The following CUX1 variants were observed in gnomAD, a reference collection of about 807,000 sequenced individuals.
CUX1 encodes protein CASP.
A neutral mutation model predicts 158.8 loss-of-function variants in CUX1; 31 were observed. The ratio of observed to expected loss-of-function variants is 0.20; its 90% confidence interval spans 0.15 to 0.26. CUX1 has a LOEUF of 0.26. Ranked by LOEUF, CUX1 falls within the 10% of genes least tolerant of loss-of-function variation. The pLI, the probability that CUX1 is intolerant of heterozygous loss-of-function variation, is 1.00. For synonymous variants in CUX1, 879 were observed against 862.1 expected (o/e 1.02, Z -0.34); for missense variants, 1,589 against 2,014.6 (o/e 0.79, Z 4.04).
At chr7:102,270,948 T>C (rs575306193) in intron 14 of CUX1, among the ~76,000 whole-genome samples, 1 of 152,148 alleles carries the variant, frequency 6.6e-6, no homozygotes, top group African/African-American at 2.4e-5. Context: ...CACCCCATCA[T>C]CTCCCTGGTG....
chr7:102,190,938 A>G (rs1794204490), intron 12 of CUX1, among the ~76,000 whole-genome samples: 2 of 152,100 alleles, frequency 1.3e-5, no homozygotes, highest in Non-Finnish European at 1.5e-5. Flanking sequence ...TCTCCTTTTA[A>G]GATGAGCCTA....
intron 3 of CUX1, among the ~76,000 whole-genome samples, chr7:102,046,530 G>GC (rs1269081851): frequency 6.7e-6 from 1 of 149,464 alleles, no homozygotes; most frequent in East Asian, 1.9e-4. Context: ...ACTGTGCCCA[G>GC]CCCCCATTTC....
Position 102,249,258 on chromosome 7 carries a change from C to A in CUX1, c.*216C>A. On this transcript the variant is annotated 3_prime_UTR_variant, in exon 24 of 24. Coordinates refer to ENST00000292535, the MANE Select transcript of CUX1 (RefSeq NM_181552.4). Reference sequence around the variant, plus strand: ...AAGGCCGCGGCCCAGACCCACTCTGCGGCCCGGGCCGACCCTGCGGCCTCC... The same window carrying A: ...AAGGCCGCGGCCCAGACCCACTCTGAGGCCCGGGCCGACCCTGCGGCCTCC... The A allele has an allele frequency of 3.8e-6, 4 of 1,064,704 alleles. No homozygotes were observed. The highest frequency in any genetic ancestry group is 4.5e-6 in the Non-Finnish European group (4 of 880,228). The allele number at this position is 1,064,704 out of a possible 1,614,324, so 66.0% of individuals were successfully genotyped here.
At chr7:102,202,554 A>G (rs1166243182) in intron 18 of CUX1, among the ~76,000 whole-genome samples, 1 of 152,178 alleles carries the variant, frequency 6.6e-6, no homozygotes, top group Non-Finnish European at 1.5e-5. Flanking sequence ...CCGGCAGCCG[A>G]GTCCACATCC....
At chr7:101,921,847 G>C (rs1804980507) in intron 2 of CUX1, among the ~76,000 whole-genome samples, 1 of 152,122 alleles carries the variant, frequency 6.6e-6, no homozygotes, top group Non-Finnish European at 1.5e-5. Flanking sequence ...GCCAGACACA[G>C]TGGCTTACGC....
Position 102,234,090 on chromosome 7 carries a change from C to A in CUX1, c.3472C>A (p.Gln1158Lys). Residue 1158 changes from glutamine to lysine, a missense_variant, in exon 22 of 24, where the codon CAA (glutamine) becomes AAA (lysine). By Grantham distance (53) the Gln-to-Lys change is moderately conservative. Coordinates refer to ENST00000292535, the MANE Select transcript of CUX1 (RefSeq NM_181552.4). ...LFGETILGLT[Q>K]GSVSDLLARP... is the part of the protein sequence containing the mutation. Reference sequence around the variant, plus strand: ...TGGGGAGACCATCTTAGGGCTCACCCAAGGCTCTGTCTCTGACCTCCTTGC... The same window carrying A: ...TGGGGAGACCATCTTAGGGCTCACCAAAGGCTCTGTCTCTGACCTCCTTGC... The A allele has an allele frequency of 1.3e-6, 2 of 1,585,336 alleles. No individual in the cohort carries two copies. The highest frequency in any genetic ancestry group is 2.4e-5 in the East Asian group (1 of 42,106).
rs540829946 is a variant in CUX1, at chr7:102,065,831, G to A, written c.190-4508G>A. Among the ~76,000 whole-genome samples the A allele has an allele frequency of 1.7e-3, 259 of 151,672 alleles. 1 individual carries two copies. Among genetic ancestry groups the A allele is most frequent in the Admixed American group, 2.4e-3 (36 of 15,220 alleles). On this transcript the variant is annotated intron_variant, in intron 3 of 23. Transcript: ENST00000292535. ...TTCTGAGATGGAGTCTCGCTCTGTCGCCAGGCTGGAGTGCAGTGGCGTGAT... is the reference window on the plus strand; with the variant it reads ...TTCTGAGATGGAGTCTCGCTCTGTCACCAGGCTGGAGTGCAGTGGCGTGAT...
intron 1 of CUX1, among the ~76,000 whole-genome samples, chr7:101,905,178 A>G (rs1802617571): frequency 1.3e-5 from 2 of 152,154 alleles, no homozygotes; most frequent in African/African-American, 4.8e-5. Context: ...CGTATAAACT[A>G]TGGCAACTGG....
intron 14 of CUX1, among the ~76,000 whole-genome samples, chr7:102,269,371 T>C (rs1428098802): frequency 6.6e-6 from 1 of 151,924 alleles, no homozygotes; most frequent in Non-Finnish European, 1.5e-5. Flanking sequence ...CCTTCTCACA[T>C]TGCAAAATAC....
Position 101,996,719 on chromosome 7 carries a change from T to C in CUX1, c.142-31379T>C, listed in dbSNP as rs545650559. On this transcript the variant is annotated intron_variant, in intron 2 of 23. Coordinates refer to ENST00000292535, the MANE Select transcript of CUX1 (RefSeq NM_181552.4). ...CCGTCTTTTTCCTTCCCTCCCTTAC[T>C]TCCTTCCTCTCTTCCTCCTACCCTT... Among the ~76,000 whole-genome samples the C allele has an allele frequency of 2.3e-4, 32 of 139,158 alleles. No individual in the cohort carries two copies. In the Middle Eastern group the frequency reaches 0.018, roughly 80 times the overall value. The allele number at this position is 139,158 out of a possible 152,430, so 91.3% of individuals were successfully genotyped here.
chr7:101,898,987 C>T (rs1801856980), intron 1 of CUX1, among the ~76,000 whole-genome samples: 1 of 152,242 alleles, frequency 6.6e-6, no homozygotes, highest in Non-Finnish European at 1.5e-5. Flanking sequence ...GAGCCCCGTC[C>T]ACTGGCGGCT....
intron 1 of CUX1, chr7:101,824,518 G>A (rs1161954359): frequency 6.6e-6 from 1 of 152,230 alleles, no homozygotes; most frequent in Non-Finnish European, 1.5e-5. Flanking sequence ...TTGATAAAAG[G>A]TAGCAGATGA....
chr7:102,173,038 G>A (rs1352468692), intron 10 of CUX1, among the ~76,000 whole-genome samples: 1 of 151,992 alleles, frequency 6.6e-6, no homozygotes, highest in African/African-American at 2.4e-5. Context: ...TCCAACCTGG[G>A]CAACAGAGAG....
At chr7:101,997,527 A>G (rs1816109190) in intron 2 of CUX1, among the ~76,000 whole-genome samples, 1 of 151,572 alleles carries the variant, frequency 6.6e-6, no homozygotes, top group South Asian at 2.1e-4. Context: ...TATTTTTAGT[A>G]CAAACGGGGT....
chr7:102,178,789 C>T (rs1307639481), intron 11 of CUX1, 132 bp downstream of exon 11: 8 of 952,368 alleles, frequency 8.4e-6, no homozygotes, highest in African/African-American at 3.3e-5. Flanking sequence ...TGTAAAGTAG[C>T]ACCAAGCAGA....
intron 3 of CUX1, among the ~76,000 whole-genome samples, chr7:102,068,148 G>C (rs1368802353): frequency 1.3e-5 from 2 of 151,940 alleles, no homozygotes; most frequent in African/African-American, 4.8e-5. Context: ...CTGGAGTGCA[G>C]TTGTACGAAC....
chr7:102,118,653 G>C (rs554050782), intron 8 of CUX1, among the ~76,000 whole-genome samples: 39 of 152,326 alleles, frequency 2.6e-4, no homozygotes, highest in Non-Finnish European at 5.0e-4. Context: ...CGAGCTCTCT[G>C]CGTGACCCTG....
At chr7:101,943,391 G>T (rs977151968) in intron 2 of CUX1, among the ~76,000 whole-genome samples, 9 of 152,080 alleles carry the variant, frequency 5.9e-5, no homozygotes, top group Admixed American at 2.0e-4. Context: ...ACAGGTGTGA[G>T]CCACTGCACC....
At chr7:102,234,329 G>C in intron 22 of CUX1, 89 bp downstream of exon 22, 1 of 1,247,434 alleles carries the variant, frequency 8.0e-7, no homozygotes, top group Non-Finnish European at 1.0e-6. Context: ...GCTGATGAGG[G>C]ACATTGACCC....
Sources: allele counts gnomAD v4.1 joint callset (sites outside exome capture counted in the v4.1 genomes callset), GRCh38; gene constraint gnomAD v4.1.1; transcripts MANE v1.5; gene names NCBI Gene and HGNC (gene_info 2026-07-23, HGNC 2026-07-21).